The following EFL1 variants were observed in gnomAD, a reference collection of about 807,000 sequenced individuals.
EFL1 encodes elongation factor-like GTPase 1.
EFL1 carries 76 observed loss-of-function variants against 126.7 expected under a neutral mutation model. The observed-to-expected ratio is 0.60, with a 90% CI of 0.50 to 0.73. The LOEUF (loss-of-function observed/expected upper bound fraction) is 0.73. EFL1 is among the 30% of genes least tolerant of loss of function. The pLI, the probability that EFL1 is intolerant of heterozygous loss-of-function variation, is 0.00. For missense variants in EFL1, 1,128 were observed against 1,343.2 expected, an observed-to-expected ratio of 0.84 and a Z score of 2.50; for synonymous variants, 410 against 448.4, an observed-to-expected ratio of 0.91 and a Z score of 1.08.
At chr15:82,214,958 A>G in intron 14 of EFL1, 103 bp from the exon 15 acceptor site, 3 of 1,132,070 alleles carry the variant, frequency 2.7e-6, no homozygotes, top group Non-Finnish European at 3.6e-6. Context: ...TGGTATAGCA[A>G]CATTTCATGT....
At chr15:82,191,026 A>T (rs1379540906) in intron 15 of EFL1, among the ~76,000 whole-genome samples, 1 of 148,568 alleles carries the variant, frequency 6.7e-6, no homozygotes, top group Non-Finnish European at 1.5e-5. Context: ...TACTGTAATA[A>T]AAAAAAAAGG....
chr15:82,143,749 TCTTA>T (rs796848718), intron 18 of EFL1, among the ~76,000 whole-genome samples: 3 of 152,336 alleles, frequency 2.0e-5, no homozygotes, highest in African/African-American at 7.2e-5. Context: ...TGCTAGCACC[TCTTA>T]CTATTATAAT....
chr15:82,228,106 A>G, intron 10 of EFL1, 85 bp downstream of exon 10: 1 of 1,472,220 alleles, frequency 6.8e-7, no homozygotes, highest in South Asian at 1.4e-5. Flanking sequence ...TGTTATTTCC[A>G]GAGAATTTCT....
At chr15:82,141,566 G>A (rs1461021941) in intron 18 of EFL1, among the ~76,000 whole-genome samples, 2 of 151,816 alleles carry the variant, frequency 1.3e-5, no homozygotes, top group Non-Finnish European at 2.9e-5. Flanking sequence ...TACTCCAGAG[G>A]CTGAGGCAGG....
At chr15:82,134,096 G>A (rs1423119016) in intron 19 of EFL1, among the ~76,000 whole-genome samples, 1 of 152,166 alleles carries the variant, frequency 6.6e-6, no homozygotes, top group Non-Finnish European at 1.5e-5. Context: ...TTGTAAGGAT[G>A]GAATGTTAAA....
chr15:82,253,305 G>A lies in EFL1; in HGVS notation c.160-530C>T, dbSNP rs570050960. ...TCCACCCACCTCAGTCTCCCAAAGT[G>A]CTGGCATTACGGGCATGAGCTACCG... On this transcript the variant is annotated intron_variant, in intron 3 of 19. Transcript: ENST00000268206. Among the ~76,000 whole-genome samples the A allele has an allele frequency of 2.6e-5, 4 of 151,764 alleles. No individual in the cohort carries two copies. In the East Asian group the frequency reaches 7.7e-4, roughly 29 times the overall value.
At chr15:82,165,151 C>T (rs2074065673) in intron 15 of EFL1, among the ~76,000 whole-genome samples, 1 of 151,972 alleles carries the variant, frequency 6.6e-6, no homozygotes, top group African/African-American at 2.4e-5. Context: ...TGTCTATAGT[C>T]CCAGGTACTT....
At chr15:82,255,637 A>G (rs2075060294) in intron 3 of EFL1, among the ~76,000 whole-genome samples, 1 of 152,254 alleles carries the variant, frequency 6.6e-6, no homozygotes, top group South Asian at 2.1e-4. Context: ...AAGCTTTTAA[A>G]TAAAAATGTC....
chr15:82,257,564 T>G (rs990593294), intron 3 of EFL1, among the ~76,000 whole-genome samples: 3 of 152,206 alleles, frequency 2.0e-5, no homozygotes, highest in African/African-American at 7.2e-5. Flanking sequence ...ATATTGCTAG[T>G]AATTGTTTAA....
chr15:82,207,057 C>G (rs1197368508), intron 15 of EFL1, among the ~76,000 whole-genome samples: 1 of 151,960 alleles, frequency 6.6e-6, no homozygotes, highest in Non-Finnish European at 1.5e-5. Flanking sequence ...GAAATAAAAA[C>G]TGGCTTAATA....
At chr15:82,136,358 T>C (rs964549691) in intron 19 of EFL1, among the ~76,000 whole-genome samples, 78 of 152,304 alleles carry the variant, frequency 5.1e-4, no homozygotes, top group Non-Finnish European at 1.3e-4. Flanking sequence ...ATCAAGGCCA[T>C]CTTCATGAGA....
intron 12 of EFL1, among the ~76,000 whole-genome samples, chr15:82,221,247 G>C (rs537675537): frequency 5.9e-4 from 90 of 152,116 alleles, no homozygotes; most frequent in African/African-American, 2.1e-3. Context: ...TGCTTTATTT[G>C]CCAATCTCAG....
At position 82,170,880 on chromosome 15, in the gene EFL1, T is replaced by C. The variant is rs114720717; in HGVS notation, c.1751-6896A>G. On this transcript the variant is annotated intron_variant, in intron 15 of 19. Coordinates refer to ENST00000268206, the MANE Select transcript of EFL1 (RefSeq NM_024580.6). ...GGTTTTAAGTGATACTCCTTTAACA[T>C]GTGCTGCATTCCAATTCAAATGACT... Among the ~76,000 whole-genome samples, 96 of 152,340 alleles carry C rather than the reference T, an allele frequency of 6.3e-4. 1 individual carries two copies. Among genetic ancestry groups the C allele is most frequent in the African/African-American group, 2.3e-3 (94 of 41,562 alleles).
In EFL1 at chr15:82,152,365, T is replaced by C; in HGVS notation, c.2089A>G (p.Thr697Ala). 1 of 1,613,592 alleles carries C rather than the reference T, an allele frequency of 6.2e-7. No homozygotes were observed. Among genetic ancestry groups the C allele is most frequent in the Non-Finnish European group, 8.5e-7 (1 of 1,180,030 alleles). Residue 697 changes from threonine to alanine, a missense_variant, in exon 18 of 20, where the codon ACA becomes GCA. Transcript: ENST00000268206. ...EPIIPFRETI[T>A]KPPKVDMVNE... ...ACCATGTCAACTTTTGGGGGTTTTG[T>C]GATTGTTTCTCTGAATGGAATAATA...
intron 18 of EFL1, among the ~76,000 whole-genome samples, chr15:82,149,609 C>T (rs573302831): frequency 6.6e-6 from 1 of 151,868 alleles, no homozygotes; most frequent in Non-Finnish European, 1.5e-5. Flanking sequence ...TAAATTATGT[C>T]CAAAAGACAG....
chr15:82,131,537 G>A lies in EFL1; in HGVS notation c.3175-976C>T, dbSNP rs1009983189. On this transcript the variant is annotated intron_variant, in intron 19 of 19. Transcript: ENST00000268206. ...ATGCAGCAAAATGTTTATTTAAAATGTTCAAGTTTGGGGGAGGCTGAGGCA... is the reference window on the plus strand; with the variant it reads ...ATGCAGCAAAATGTTTATTTAAAATATTCAAGTTTGGGGGAGGCTGAGGCA... Among the ~76,000 whole-genome samples, 8 of 152,250 alleles carry A rather than the reference G, an allele frequency of 5.3e-5. No individual in the cohort carries two copies. In the South Asian group the frequency reaches 1.2e-3, roughly 24 times the overall value.
At chr15:82,145,844 C>CAAAA (rs5814101) in intron 18 of EFL1, among the ~76,000 whole-genome samples, 1 of 138,082 alleles carries the variant, frequency 7.2e-6, no homozygotes. Flanking sequence ...CTCAAAAAAC[C>CAAAA]AAAAAAAAAA....
intron 15 of EFL1, among the ~76,000 whole-genome samples, chr15:82,190,101 A>G (rs1352931878): frequency 2.1e-5 from 3 of 145,014 alleles, no homozygotes; most frequent in Non-Finnish European, 3.0e-5. Flanking sequence ...ACAGAGTGAG[A>G]CTCTGTCTTA....
rs1455232286 is a variant in EFL1 at position 82,238,439 on chromosome 15, G to C, written c.599C>G (p.Pro200Arg). The C allele has an allele frequency of 1.9e-6, 3 of 1,613,982 alleles. No homozygotes were observed. The highest frequency in any genetic ancestry group is 2.7e-5 in the African/African-American group (2 of 74,890). Residue 200 changes from proline to arginine, a missense_variant, in exon 7 of 20, where the codon CCA becomes CGA. By Grantham distance (103) the Pro-to-Arg change is moderately radical. Around this residue, in one of 6 missense-constraint regions of EFL1, gnomAD observed 316 missense variants for 318.5 expected, o/e 0.99. Coordinates refer to ENST00000268206, the MANE Select transcript of EFL1 (RefSeq NM_024580.6). ...AERETESQVN[P>R]NSEQGEQVYD... ...TACTTGCTCTCCTTGTTCAGAATTTGGATTCACTTGGGATTCAGTCTCCCT... is the reference window on the plus strand; with the variant it reads ...TACTTGCTCTCCTTGTTCAGAATTTCGATTCACTTGGGATTCAGTCTCCCT...
Sources: gnomAD v4.1 joint callset for allele counts (sites outside exome capture counted in the v4.1 genomes callset) on GRCh38, gnomAD v4.1.1 for gene constraint, gnomAD v4.1.1 regional missense constraint, MANE v1.5 for transcripts, NCBI Gene and HGNC (gene_info 2026-07-23, HGNC 2026-07-21) for gene names.